Variants in RFX3 observed in about 807,000 individuals in gnomAD.
RFX3 encodes regulatory factor X3.
RFX3 carries 14 observed loss-of-function variants against 98.6 expected under a neutral mutation model. The ratio of observed to expected loss-of-function variants is 0.14; its 90% confidence interval spans 0.09 to 0.22. RFX3 has a LOEUF of 0.22. Ranked by LOEUF, RFX3 falls within the 10% of genes least tolerant of loss-of-function variation. The pLI is 1.00. For missense variants in RFX3, 639 were observed against 926.9 expected (o/e 0.69, Z 4.03); for synonymous variants, 383 against 328.4 (o/e 1.17, Z -1.80).
rs193158714 is a variant in RFX3 at position 3,221,541 on chromosome 9, A to G, written c.*3501T>C. ...ATAAACCGTGCTATACAGTACAAGA[A>G]AAATCACACAAAGGAAAGCAGATTT... On this transcript the variant is annotated 3_prime_UTR_variant, in exon 17 of 17. Coordinates refer to ENST00000617270, the MANE Select transcript of RFX3 (RefSeq NM_001282116.2). The G allele has an allele frequency of 6.6e-6, 1 of 152,210 alleles. No individual in the cohort carries two copies. Among genetic ancestry groups the G allele is most frequent in the Admixed American group, 6.5e-5 (1 of 15,270 alleles). The allele number at this position is 152,210 out of a possible 1,614,324, so 9.4% of individuals were successfully genotyped here.
intron 1 of RFX3, among the ~76,000 whole-genome samples, chr9:3,520,215 G>C (rs1564201067): frequency 6.6e-6 from 1 of 152,198 alleles, no homozygotes; most frequent in Non-Finnish European, 1.5e-5. Context: ...TTTAAACATA[G>C]TGTTACTTTA....
At chr9:3,501,642 T>C (rs369528870) in intron 1 of RFX3, among the ~76,000 whole-genome samples, 14 of 149,250 alleles carry the variant, frequency 9.4e-5, no homozygotes, top group Admixed American at 6.0e-4. Flanking sequence ...CTGCAACCTC[T>C]ATCTCCGAGG....
At chr9:3,293,287 A>T in intron 5 of RFX3, 29 bp from the exon 6 acceptor site, 1 of 1,535,138 alleles carries the variant, frequency 6.5e-7, no homozygotes, top group African/African-American at 1.4e-5. Context: ...ATAAACACAG[A>T]CAAATCACAT....
chr9:3,370,399 T>C (rs1837706595), intron 2 of RFX3, among the ~76,000 whole-genome samples: 1 of 151,896 alleles, frequency 6.6e-6, no homozygotes, highest in Non-Finnish European at 1.5e-5. Context: ...GCCTACTCTG[T>C]GGTTCAAAAC....
rs1225201930 is a variant in RFX3, at chr9:3,219,075, A to C, written c.*5967T>G. On this transcript the variant is annotated 3_prime_UTR_variant, in exon 17 of 17. Transcript: ENST00000617270. ...CCAAGTTTTCTCAAGGCACTCACTT[A>C]AAGTTTCTGTAACCAATGCATTGGT... 6.6e-6 allele frequency: 1 copy of C among 152,182 alleles called. No individual in the cohort carries two copies. Among genetic ancestry groups the C allele is most frequent in the East Asian group, 1.9e-4 (1 of 5,196 alleles). The allele number at this position is 152,182 out of a possible 1,614,324, so 9.4% of individuals were successfully genotyped here.
At chr9:3,292,658 C>T (rs539906696) in intron 6 of RFX3, among the ~76,000 whole-genome samples, 2 of 152,258 alleles carry the variant, frequency 1.3e-5, no homozygotes, top group South Asian at 4.1e-4. Flanking sequence ...TTTCAAGAGT[C>T]AAGTGATACA....
chr9:3,241,077 T>C (rs1036986045), intron 15 of RFX3, among the ~76,000 whole-genome samples: 2 of 152,228 alleles, frequency 1.3e-5, no homozygotes, highest in African/African-American at 4.8e-5. Flanking sequence ...TCAACTTCTA[T>C]TTTGGTTTAT....
At chr9:3,230,739 G>A (rs1429253428) in intron 15 of RFX3, among the ~76,000 whole-genome samples, 2 of 152,162 alleles carry the variant, frequency 1.3e-5, no homozygotes, top group Admixed American at 1.3e-4. Context: ...GGAGTTGGTA[G>A]TGATGATTCT....
intron 1 of RFX3, among the ~76,000 whole-genome samples, chr9:3,400,942 G>C (rs1160111601): frequency 3.3e-5 from 5 of 152,192 alleles, no homozygotes; most frequent in African/African-American, 1.2e-4. Flanking sequence ...TGACTCTAAA[G>C]CACATGATGT....
intron 1 of RFX3, among the ~76,000 whole-genome samples, chr9:3,423,784 T>TATTTTC (rs1293434757): frequency 2.7e-5 from 3 of 109,608 alleles, no homozygotes; most frequent in African/African-American, 5.7e-5. Context: ...TTTTCATATA[T>TATTTTC]ATATATATAT....
intron 1 of RFX3, among the ~76,000 whole-genome samples, chr9:3,419,521 T>C (rs576266950): frequency 1.3e-5 from 2 of 152,202 alleles, no homozygotes; most frequent in Non-Finnish European, 2.9e-5. Context: ...AGCATGAACC[T>C]GAATCAATAT....
intron 1 of RFX3, among the ~76,000 whole-genome samples, chr9:3,404,002 T>C (rs1841727370): frequency 6.6e-6 from 1 of 152,192 alleles, no homozygotes; most frequent in South Asian, 2.1e-4. Flanking sequence ...TAGAGTCTTT[T>C]GCAGTTCCTA....
chr9:3,508,905 G>A (rs922917916), intron 1 of RFX3, among the ~76,000 whole-genome samples: 2 of 151,396 alleles, frequency 1.3e-5, no homozygotes, highest in African/African-American at 2.4e-5. Flanking sequence ...GCACAATACC[G>A]AAACTAATTC....
intron 1 of RFX3, among the ~76,000 whole-genome samples, chr9:3,434,697 C>T (rs1016661192): frequency 4.6e-5 from 7 of 152,102 alleles, no homozygotes; most frequent in Non-Finnish European, 1.0e-4. Flanking sequence ...CACCCTCCTT[C>T]TGCACTCCAA....
At chr9:3,264,444 G>A (rs1034157241) in intron 12 of RFX3, among the ~76,000 whole-genome samples, 17 of 152,142 alleles carry the variant, frequency 1.1e-4, no homozygotes, top group Non-Finnish European at 1.9e-4. Context: ...GACATGAGAT[G>A]TTTGAGGACT....
chr9:3,266,292 T>G lies in RFX3; in HGVS notation c.1371A>C (p.Gln457His). ...GGCTTTTTGCAAAATTTCGAATGGC[T>G]TGGGTCAAGGCACCTAAACATTAAA... The part of the protein sequence containing the change: ...VLRPIPSALT[Q>H]AIRNFAKSLE... Residue 457 changes from glutamine to histidine, a missense_variant, in exon 12 of 17, where the codon CAA (glutamine) becomes CAC (histidine). By Grantham distance (24) the Gln-to-His change is conservative. Coordinates refer to ENST00000617270, the MANE Select transcript of RFX3 (RefSeq NM_001282116.2). The G allele has an allele frequency of 6.2e-7, 1 of 1,609,762 alleles. No individual in the cohort carries two copies. The highest frequency in any genetic ancestry group is 8.5e-7 in the Non-Finnish European group (1 of 1,176,782).
chr9:3,256,171 C>G, intron 14 of RFX3, among the ~76,000 whole-genome samples: 1 of 151,892 alleles, frequency 6.6e-6, no homozygotes, highest in East Asian at 1.9e-4. Context: ...GGGGTTTTAC[C>G]GTGTTAGCGA....
chr9:3,518,144 A>G (rs1439911539), intron 1 of RFX3, among the ~76,000 whole-genome samples: 1 of 152,216 alleles, frequency 6.6e-6, no homozygotes, highest in Non-Finnish European at 1.5e-5. Flanking sequence ...GTAGCAGGCT[A>G]TACCATCTAG....
At chr9:3,439,973 G>T (rs1237949765) in intron 1 of RFX3, among the ~76,000 whole-genome samples, 1 of 151,960 alleles carries the variant, frequency 6.6e-6, no homozygotes, top group Admixed American at 6.5e-5. Context: ...CACCTTAAAT[G>T]TAATCTACCA....
Sources: gnomAD v4.1 joint callset for allele counts (sites outside exome capture counted in the v4.1 genomes callset) on GRCh38, gnomAD v4.1.1 for gene constraint, MANE v1.5 for transcripts, NCBI Gene and HGNC (gene_info 2026-07-23, HGNC 2026-07-21) for gene names.